METTL24: variants seen among roughly 807,000 people sequenced by gnomAD.
METTL24 encodes the protein methyltransferase like 24.
In METTL24, 29 loss-of-function variants were observed where a neutral mutation model predicts 32.7. The observed-to-expected ratio is 0.89, with a 90% CI of 0.66 to 1.21. The LOEUF is 1.21. METTL24 is among the 50% of genes most tolerant of loss of function. METTL24 has a pLI of 0.00. For missense variants in METTL24, 439 were observed against 468.1 expected (o/e 0.94, Z 0.57); for synonymous variants, 163 against 179.5 (o/e 0.91, Z 0.73).
intron 4 of METTL24, among the ~76,000 whole-genome samples, chr6:110,262,904 T>C (rs1015317901): frequency 4.7e-4 from 71 of 152,272 alleles, no homozygotes; most frequent in African/African-American, 1.7e-3. Flanking sequence ...AAAAGGCCTT[T>C]GACAAAATTC....
At chr6:110,345,471 GC>G (rs1772452991) in intron 1 of METTL24, among the ~76,000 whole-genome samples, 1 of 152,174 alleles carries the variant, frequency 6.6e-6, no homozygotes, top group African/African-American at 2.4e-5. Flanking sequence ...AAAGACACAT[GC>G]ACATGAATGT....
intron 1 of METTL24, among the ~76,000 whole-genome samples, chr6:110,350,819 A>AAATAAAATAAAATAAAATAAAATAAAAT (rs1582447729): frequency 1.4e-5 from 2 of 145,420 alleles, no homozygotes; most frequent in African/African-American, 2.5e-5. Context: ...AAATAAAATA[A>AAATAAAATAAAATAAAATAAAATAAAAT]AAAATTAGGC....
At chr6:110,293,122 G>GA (rs200698059) in intron 4 of METTL24, among the ~76,000 whole-genome samples, 26 of 149,976 alleles carry the variant, frequency 1.7e-4, no homozygotes, top group East Asian at 3.9e-4. Flanking sequence ...CTTTAGTTCT[G>GA]AAAAAAAAAT....
At chr6:110,276,459 A>G (rs1771049492) in intron 4 of METTL24, among the ~76,000 whole-genome samples, 1 of 152,176 alleles carries the variant, frequency 6.6e-6, no homozygotes, top group Non-Finnish European at 1.5e-5. Context: ...TTAAAAACAA[A>G]CAAACAAAAA....
At chr6:110,265,958 T>C (rs558979909) in intron 4 of METTL24, among the ~76,000 whole-genome samples, 1 of 150,998 alleles carries the variant, frequency 6.6e-6, no homozygotes, top group South Asian at 2.1e-4. Context: ...TGGAGTGTGG[T>C]GGTACAGTCA....
At chr6:110,265,530 T>C (rs1250329994) in intron 4 of METTL24, among the ~76,000 whole-genome samples, 1 of 152,170 alleles carries the variant, frequency 6.6e-6, no homozygotes, top group African/African-American at 2.4e-5. Context: ...GACTGTGTGG[T>C]CATGTAACTA....
chr6:110,264,805 A>C (rs1014149871), intron 4 of METTL24, among the ~76,000 whole-genome samples: 3 of 152,198 alleles, frequency 2.0e-5, no homozygotes, highest in Non-Finnish European at 4.4e-5. Context: ...AAAAATGATG[A>C]GTTCATGTCC....
chr6:110,341,893 C>T (rs927753247), intron 1 of METTL24, among the ~76,000 whole-genome samples: 1 of 152,176 alleles, frequency 6.6e-6, no homozygotes. Flanking sequence ...TATTTAAAAG[C>T]AAGATACTGT....
intron 4 of METTL24, among the ~76,000 whole-genome samples, chr6:110,248,792 T>C (rs182423187): frequency 6.6e-6 from 1 of 152,080 alleles, no homozygotes; most frequent in East Asian, 1.9e-4. Flanking sequence ...ACATTATTAA[T>C]AAAGAAATTA....
At chr6:110,345,622 T>C (rs1362150058) in intron 1 of METTL24, among the ~76,000 whole-genome samples, 1 of 152,230 alleles carries the variant, frequency 6.6e-6, no homozygotes, top group African/African-American at 2.4e-5. Flanking sequence ...TCATGTCTTT[T>C]GCAGGAACAT....
chr6:110,276,727 T>G (rs1404229623), intron 4 of METTL24, among the ~76,000 whole-genome samples: 2 of 152,166 alleles, frequency 1.3e-5, no homozygotes, highest in Admixed American at 1.3e-4. Flanking sequence ...CTGGCCCTTC[T>G]GCAGGGATTT....
chr6:110,287,233 C>T (rs569225244), intron 4 of METTL24, among the ~76,000 whole-genome samples: 2 of 152,306 alleles, frequency 1.3e-5, no homozygotes, highest in Admixed American at 1.3e-4. Flanking sequence ...AAAACAAAAA[C>T]AACAAACATT....
At chr6:110,300,519 C>A (rs1159973185) in intron 3 of METTL24, among the ~76,000 whole-genome samples, 1 of 149,856 alleles carries the variant, frequency 6.7e-6, no homozygotes, top group African/African-American at 2.5e-5. Flanking sequence ...CGCCAGGGTT[C>A]AAGCAATTCT....
In METTL24 at chr6:110,298,990, C is replaced by G. The variant is rs376705579; in HGVS notation, c.718G>C (p.Ala240Pro). 2.0e-5 allele frequency: 32 copies of G among 1,614,052 alleles called. No individual in the cohort carries two copies. Among genetic ancestry groups the G allele is most frequent in the Non-Finnish European group, 2.5e-5 (30 of 1,180,044 alleles). The change falls in exon 4 of 5, where the codon GCT (alanine) becomes CCT (proline). Residue 240 changes from alanine to proline, a missense_variant. Ala to Pro is a conservative substitution (Grantham distance 27). Transcript: ENST00000338882. Reference protein sequence around the residue: ...IDWRDPHPAVAAQKPHSNTRK... With the variant: ...IDWRDPHPAVPAQKPHSNTRK... Reference sequence around the variant, plus strand: ...GTGTTGCTATGTGGTTTTTGGGCAGCAACAGCTGGATGGGGATCCCGCCAG... The same window carrying G: ...GTGTTGCTATGTGGTTTTTGGGCAGGAACAGCTGGATGGGGATCCCGCCAG...
At chr6:110,322,612 C>T in intron 2 of METTL24, 162 bp downstream of exon 2, 2 of 518,150 alleles carry the variant, frequency 3.9e-6, no homozygotes, top group Non-Finnish European at 6.9e-6. Flanking sequence ...TCTTATCTGC[C>T]TCCAAGTGAG....
chr6:110,302,518 C>T (rs560604555), intron 3 of METTL24, among the ~76,000 whole-genome samples: 1 of 114,882 alleles, frequency 8.7e-6, no homozygotes, highest in Non-Finnish European at 1.7e-5. Context: ...TATACACACA[C>T]ATATGTGTAT....
rs1771470442 is a variant in METTL24 at position 110,298,922 on chromosome 6, C to T, written c.786G>A (p.Lys262=). The T allele has an allele frequency of 9.9e-6, 16 of 1,613,560 alleles. No homozygotes were observed. Among genetic ancestry groups the T allele is most frequent in the Non-Finnish European group, 1.3e-5 (15 of 1,179,692 alleles). ...TATAAAATCAAATGAAAAACCTCAC[C>T]TTGTGATGTCCAAATTCATTCAAAA... ...GSILNEFGHH[K]IDVLKADLES... is the part of the protein sequence containing the mutation. The change falls in exon 4 of 5, where the codon AAG becomes AAA. Residue 262 remains lysine, a splice_region_variant and synonymous_variant. Transcript: ENST00000338882.
chr6:110,312,684 T>C (rs1771745385), intron 3 of METTL24, among the ~76,000 whole-genome samples: 1 of 152,032 alleles, frequency 6.6e-6, no homozygotes, highest in Non-Finnish European at 1.5e-5. Flanking sequence ...ATGATGGTTA[T>C]CAGATGCTGG....
At chr6:110,322,665 T>A in intron 2 of METTL24, 109 bp downstream of exon 2, 1 of 803,168 alleles carries the variant, frequency 1.2e-6, no homozygotes, top group African/African-American at 1.7e-5. Flanking sequence ...CACTTCCCCA[T>A]CAAGTCCTCA....
Sources: allele counts gnomAD v4.1 joint callset (sites outside exome capture counted in the v4.1 genomes callset), GRCh38; gene constraint gnomAD v4.1.1; transcripts MANE v1.5; gene names NCBI Gene and HGNC (gene_info 2026-07-23, HGNC 2026-07-21).